CRTC1: variants seen among roughly 807,000 people sequenced by gnomAD.
CRTC1 encodes CREB-regulated transcription coactivator 1.
A neutral mutation model predicts 66.1 loss-of-function variants in CRTC1; 18 were observed. The ratio of observed to expected loss-of-function variants is 0.27; its 90% CI spans 0.19 to 0.40. The LOEUF (loss-of-function observed/expected upper bound fraction) is 0.40. CRTC1 is among the 10% of genes least tolerant of loss of function. CRTC1 has a pLI of 1.00. For synonymous variants in CRTC1, 416 were observed against 398.8 expected (o/e 1.04, Z -0.51); for missense variants, 669 against 887.9 (o/e 0.75, Z 3.13).
At chr19:18,742,693 G>A (rs964647619) in intron 1 of CRTC1, among the ~76,000 whole-genome samples, 9 of 152,230 alleles carry the variant, frequency 5.9e-5, no homozygotes, top group South Asian at 2.1e-4. Flanking sequence ...GCATTGCCCC[G>A]CCTGGGGAGC....
chr19:18,753,153 G>A (rs560732558), intron 5 of CRTC1, among the ~76,000 whole-genome samples: 1 of 152,058 alleles, frequency 6.6e-6, no homozygotes, highest in Non-Finnish European at 1.5e-5. Context: ...GCGGGCACCT[G>A]TAGTCCCAGC....
intron 1 of CRTC1, among the ~76,000 whole-genome samples, chr19:18,724,162 C>T (rs939262694): frequency 1.5e-4 from 23 of 152,286 alleles, no homozygotes; most frequent in Admixed American, 3.3e-4. Context: ...AGCATCGACA[C>T]GGCTCCCTCG....
intron 1 of CRTC1, among the ~76,000 whole-genome samples, chr19:18,697,601 C>G (rs143878933): frequency 1.3e-5 from 2 of 152,330 alleles, no homozygotes; most frequent in Middle Eastern, 3.4e-3. Flanking sequence ...TGAGCCAATG[C>G]TCTTGGCCCA....
In CRTC1 at chr19:18,771,992, C is replaced by T. The variant is rs1302688913; in HGVS notation, c.1425+446C>T. On this transcript the variant is annotated intron_variant, in intron 11 of 13. Transcript: ENST00000321949. The surrounding 1 kb of genome is among the most constrained non-coding windows in gnomAD (Gnocchi z 4.6). ...TCTGCAGCCCTGCTTTCCCCTTCAC[C>T]CCATAGGCAGCTGTGTTTCTCCAGA... Among the ~76,000 whole-genome samples the T allele has an allele frequency of 2.0e-5, 3 of 152,180 alleles. No individual in the cohort carries two copies. Among genetic ancestry groups the T allele is most frequent in the Admixed American group, 6.5e-5 (1 of 15,288 alleles).
intron 1 of CRTC1, among the ~76,000 whole-genome samples, chr19:18,721,973 G>A (rs998122224): frequency 2.6e-5 from 4 of 152,192 alleles, no homozygotes; most frequent in Non-Finnish European, 5.9e-5. Flanking sequence ...GTGCTGTGAC[G>A]TACTTCACCC....
chr19:18,758,523 C>A (rs2054543888), intron 6 of CRTC1, among the ~76,000 whole-genome samples: 1 of 152,044 alleles, frequency 6.6e-6, no homozygotes, highest in African/African-American at 2.4e-5. Flanking sequence ...CTCAGCCAAG[C>A]AGAAAAACCA....
chr19:18,730,104 C>T (rs1200004403), intron 1 of CRTC1, among the ~76,000 whole-genome samples: 4 of 152,136 alleles, frequency 2.6e-5, no homozygotes, highest in Non-Finnish European at 1.5e-5. Flanking sequence ...TGTCCAAGGC[C>T]GGCCGTGGCT....
chr19:18,700,947 G>T (rs966471439), intron 1 of CRTC1, among the ~76,000 whole-genome samples: 1 of 152,244 alleles, frequency 6.6e-6, no homozygotes, highest in African/African-American at 2.4e-5. Flanking sequence ...CGCTTCCATC[G>T]CTGCGGGGAT....
rs563066845 is a variant in CRTC1, at chr19:18,705,885, C to T, written c.126+22057C>T. Among the ~76,000 whole-genome samples the T allele has an allele frequency of 2.0e-5, 3 of 149,906 alleles. No homozygotes were observed. The East Asian group carries it at 5.9e-4, about 29-fold the overall frequency. The stretch of plus-strand genomic sequence containing the variant: ...TGATTAGTGATGTTGAGCATCTTTT[C>T]ATGTGCTTCTTGGCCATTTGTCTGT... On this transcript the variant is annotated intron_variant, in intron 1 of 13. Coordinates refer to ENST00000321949, the MANE Select transcript of CRTC1 (RefSeq NM_015321.3).
intron 1 of CRTC1, among the ~76,000 whole-genome samples, chr19:18,733,582 C>G (rs4808853): frequency 0.24 from 36,970 of 152,198 alleles, 4,962 homozygotes; most frequent in African/African-American, 0.36. Context: ...CCACGTGCCC[C>G]TGATGCTCTC....
At chr19:18,775,589 A>G in intron 12 of CRTC1, 52 bp from the exon 13 acceptor site, 1 of 1,461,892 alleles carries the variant, frequency 6.8e-7, no homozygotes, top group Non-Finnish European at 9.1e-7. Context: ...TGGGGTGGCC[A>G]GCTGGGCAGG....
chr19:18,693,141 A>G (rs889851128), intron 1 of CRTC1, among the ~76,000 whole-genome samples: 1 of 149,376 alleles, frequency 6.7e-6, no homozygotes, highest in African/African-American at 2.5e-5. Flanking sequence ...CTGTAATCCT[A>G]GTATTTTGGG....
chr19:18,742,743 T>C (rs2075017), intron 1 of CRTC1, among the ~76,000 whole-genome samples, 167 bp from the exon 2 acceptor site: 34,079 of 152,186 alleles, frequency 0.22, 4,002 homozygotes, highest in East Asian at 0.3. Flanking sequence ...CCATTTTTGG[T>C]GGAGGGACAC....
At chr19:18,700,951 C>T (rs1568483506) in intron 1 of CRTC1, among the ~76,000 whole-genome samples, 1 of 152,250 alleles carries the variant, frequency 6.6e-6, no homozygotes, top group African/African-American at 2.4e-5. Context: ...TCCATCGCTG[C>T]GGGGATCCCT....
intron 1 of CRTC1, among the ~76,000 whole-genome samples, chr19:18,714,252 C>T (rs2053456375): frequency 6.6e-6 from 1 of 152,140 alleles, no homozygotes; most frequent in Non-Finnish European, 1.5e-5. Context: ...GCAGCTTCCC[C>T]AGTGGGTCCA....
In CRTC1 at chr19:18,780,666, G is replaced by C. The variant is rs2055085459; in HGVS notation, c.*3284G>C. 1 of 225,612 alleles carries C rather than the reference G, an allele frequency of 4.4e-6. No homozygotes were observed. Among genetic ancestry groups the C allele is most frequent in the East Asian group, 6.4e-5 (1 of 15,720 alleles). The allele number at this position is 225,612 out of a possible 1,614,324, so 14.0% of individuals were successfully genotyped here. ...GGTCAGGTGGGACAGGAGCCTGCCA[G>C]AAGCCCATGGGGGGCCAGGCCGGGT... On this transcript the variant is annotated 3_prime_UTR_variant, in exon 14 of 14. Coordinates refer to ENST00000321949, the MANE Select transcript of CRTC1 (RefSeq NM_015321.3).
chr19:18,728,395 G>A (rs1340663336), intron 1 of CRTC1, among the ~76,000 whole-genome samples: 2 of 152,126 alleles, frequency 1.3e-5, no homozygotes, highest in Non-Finnish European at 2.9e-5. Flanking sequence ...AATGGGCTTG[G>A]GCTTAAAAGT....
intron 1 of CRTC1, among the ~76,000 whole-genome samples, chr19:18,730,659 C>T (rs765738661): frequency 2.6e-5 from 4 of 152,130 alleles, no homozygotes; most frequent in South Asian, 2.1e-4. Context: ...CTGCCCGACC[C>T]GCTGCCTACC....
At chr19:18,705,964 TCTC>T (rs1346451849) in intron 1 of CRTC1, among the ~76,000 whole-genome samples, 7 of 140,192 alleles carry the variant, frequency 5.0e-5, no homozygotes, top group Non-Finnish European at 9.2e-5. Flanking sequence ...CCTCTCTCTC[TCTC>T]TTTTTTTTTT....
Sources: allele counts gnomAD v4.1 joint callset (sites outside exome capture counted in the v4.1 genomes callset), GRCh38; gene constraint gnomAD v4.1.1; non-coding constraint Gnocchi (gnomAD v3.1); transcripts MANE v1.5; gene names NCBI Gene and HGNC (gene_info 2026-07-23, HGNC 2026-07-21).